The following KIF21A variants were observed in gnomAD, a reference collection of about 807,000 sequenced individuals.
The protein encoded by KIF21A is kinesin family member 21A.
Under a neutral mutation model 202.9 loss-of-function variants are expected in KIF21A, and 114 were observed. That is an observed-to-expected ratio of 0.56 (90% CI 0.48 to 0.66). KIF21A has a LOEUF of 0.66. Ranked by LOEUF, KIF21A falls within the 30% of genes least tolerant of loss-of-function variation. The probability of loss-of-function intolerance (pLI) is 0.00; values close to 1 mark genes in which losing one functional copy is unlikely to be tolerated. For missense variants in KIF21A, 1,677 were observed against 1,994.9 expected, an observed-to-expected ratio of 0.84 and a Z score of 3.04; for synonymous variants, 667 against 670.8, an observed-to-expected ratio of 0.99 and a Z score of 0.09.
chr12:39,319,550 A>C (rs923448492), intron 28 of KIF21A, among the ~76,000 whole-genome samples: 5 of 152,216 alleles, frequency 3.3e-5, no homozygotes, highest in Non-Finnish European at 7.3e-5. Flanking sequence ...CATGGCAATG[A>C]CGGTCAAAAT....
intron 27 of KIF21A, chr12:39,321,849 G>T (rs1369493995): frequency 6.6e-6 from 1 of 152,042 alleles, no homozygotes; most frequent in East Asian, 1.9e-4. Flanking sequence ...GGATTAGTTT[G>T]AAAAATAACG....
At position 39,363,153 on chromosome 12, in the gene KIF21A, G is replaced by C. The variant is rs1429561167; in HGVS notation, c.964C>G (p.Pro322Ala). The C allele has an allele frequency of 1.2e-6, 2 of 1,613,276 alleles. No individual in the cohort carries two copies. The highest frequency in any genetic ancestry group is 1.7e-6 in the Non-Finnish European group (2 of 1,179,492). ...GDKSKRATHVPYRDSKLTRLL... is the reference protein window; with the variant it reads ...GDKSKRATHVAYRDSKLTRLL... ...CTTGTTAGCTTGGAATCTCTATAGG[G>C]GACATGTGTGGCCCTCTTGCTCTTG... is the stretch of plus-strand genomic sequence containing the variant. Residue 322 changes from proline (P) to alanine (A), a missense_variant, in exon 7 of 38, where the codon CCC becomes GCC. Physicochemically the swap from Pro to Ala is conservative, Grantham distance 27 (BLOSUM62 -1). This residue lies in a region of KIF21A where 966 missense variants were observed against 1,180.9 expected (regional missense o/e 0.82). Transcript: ENST00000361418.
chr12:39,339,832 T>A (rs1274722595), intron 16 of KIF21A, among the ~76,000 whole-genome samples: 1 of 152,372 alleles, frequency 6.6e-6, no homozygotes, highest in Admixed American at 6.5e-5. Flanking sequence ...TAAACTAGAC[T>A]GTGGATACAG....
chr12:39,304,979 C>A (rs1243002794), intron 34 of KIF21A, 41 bp from the exon 35 acceptor site: 1 of 975,120 alleles, frequency 1.0e-6, no homozygotes, highest in South Asian at 1.3e-5. Flanking sequence ...AAAATTATTT[C>A]TTAGTATGAT....
chr12:39,384,839 A>G (rs2094571972), intron 1 of KIF21A, among the ~76,000 whole-genome samples: 1 of 152,166 alleles, frequency 6.6e-6, no homozygotes, highest in Admixed American at 6.5e-5. Flanking sequence ...AGTTGTTGGA[A>G]GAATTCAGTT....
intron 4 of KIF21A, 138 bp from the exon 5 acceptor site, chr12:39,367,302 A>C: frequency 1.1e-6 from 1 of 878,930 alleles, no homozygotes; most frequent in Non-Finnish European, 1.8e-6. Context: ...TAGTTCAGTT[A>C]CAGGCACTTT....
Position 39,442,835 on chromosome 12 carries a change from C to T in KIF21A, c.44+92G>A. ...GGCCGGGACGCCCCTCAGGTCGCTCCACCCCGGTAGCCGGTGCTCCGCGCC... is the reference window on the plus strand; with the variant it reads ...GGCCGGGACGCCCCTCAGGTCGCTCTACCCCGGTAGCCGGTGCTCCGCGCC... On this transcript the variant is annotated intron_variant, in intron 1 of 37. Transcript: ENST00000361418. This position sits in a 1 kb window ranked among gnomAD's most constrained non-coding sequence, Gnocchi z 5.0. 1 of 1,460,678 alleles carries T rather than the reference C, an allele frequency of 6.8e-7. No homozygotes were observed. Among genetic ancestry groups the T allele is most frequent in the Non-Finnish European group, 9.2e-7 (1 of 1,089,610 alleles). The allele number at this position is 1,460,678 out of a possible 1,614,324, so 90.5% of individuals were successfully genotyped here. A position where few individuals can be genotyped will look rare whatever the true frequency, so the allele number is the denominator to read the frequency against.
intron 36 of KIF21A, among the ~76,000 whole-genome samples, chr12:39,302,152 T>G (rs1439821252): frequency 6.6e-6 from 1 of 152,176 alleles, no homozygotes; most frequent in African/African-American, 2.4e-5. Flanking sequence ...TATTTCATGA[T>G]GAGTAAACAG....
At chr12:39,390,126 C>T (rs1951240247) in intron 1 of KIF21A, among the ~76,000 whole-genome samples, 1 of 152,136 alleles carries the variant, frequency 6.6e-6, no homozygotes, top group Admixed American at 6.6e-5. Flanking sequence ...TAGCACTATG[C>T]TTCCCATCTG....
Position 39,340,897 on chromosome 12 carries a change from A to G in KIF21A, c.2110+9T>C. The G allele has an allele frequency of 6.3e-7, 1 of 1,583,410 alleles. No individual in the cohort carries two copies. Among genetic ancestry groups the G allele is most frequent in the Non-Finnish European group, 8.7e-7 (1 of 1,153,068 alleles). On this transcript the variant is annotated intron_variant, in intron 15 of 37. Coordinates refer to ENST00000361418, the MANE Select transcript of KIF21A (RefSeq NM_001173464.2). ...TTGAACTTTCATTTGAATTAAATAT[A>G]ATTCTTACCTAAGTTTTGAAGCACC...
Position 39,319,824 on chromosome 12 carries a change from A to G in KIF21A, c.3779+82T>C, listed in dbSNP as rs1945008037. 6.6e-6 allele frequency: 6 copies of G among 903,366 alleles called. No individual in the cohort carries two copies. The South Asian group carries it at 8.5e-5, about 13-fold the overall frequency. The allele number at this position is 903,366 out of a possible 1,614,324, so 56.0% of individuals were successfully genotyped here. A position where few individuals can be genotyped will look rare whatever the true frequency, so the allele number is the denominator to read the frequency against. ...CCACAGCACCAGCCTAAATCTGGAA[A>G]ATAATTTCATGATTATCTTTAGCAT... On this transcript the variant is annotated intron_variant, in intron 28 of 37. Coordinates refer to ENST00000361418, the MANE Select transcript of KIF21A (RefSeq NM_001173464.2).
At position 39,331,178 on chromosome 12, in the gene KIF21A, C is replaced by T. The variant is rs1223837771; in HGVS notation, c.3154-267G>A. 4.6e-5 allele frequency among the ~76,000 whole-genome samples: 7 copies of T among 150,958 alleles called. No homozygotes were observed. The East Asian group carries it at 1.4e-3, about 29-fold the overall frequency. ...ACATTGTGAAAATTAAGTGAGATGG[C>T]ATAAGAACAGAAAGAATCTAACAGT... On this transcript the variant is annotated intron_variant, in intron 22 of 37. Transcript: ENST00000361418.
chr12:39,393,199 C>T (rs941007642), intron 1 of KIF21A, among the ~76,000 whole-genome samples: 6 of 151,846 alleles, frequency 4.0e-5, no homozygotes, highest in African/African-American at 1.5e-4. Flanking sequence ...CTGTGCAAGA[C>T]CTGCAGCAGT....
At chr12:39,367,248 C>T (rs1034335666) in intron 4 of KIF21A, 84 bp from the exon 5 acceptor site, 2 of 1,420,154 alleles carry the variant, frequency 1.4e-6, no homozygotes, top group Admixed American at 3.4e-5. Flanking sequence ...ATGGCTAAAA[C>T]CCACCATGTT....
chr12:39,363,691 G>A (rs1027875038), intron 6 of KIF21A, among the ~76,000 whole-genome samples: 1 of 152,168 alleles, frequency 6.6e-6, no homozygotes, highest in Non-Finnish European at 1.5e-5. Context: ...TCTGAACAAG[G>A]TATTCCTATG....
intron 37 of KIF21A, among the ~76,000 whole-genome samples, chr12:39,296,588 T>G (rs1009485731): frequency 6.6e-6 from 1 of 152,042 alleles, no homozygotes; most frequent in Admixed American, 6.5e-5. Flanking sequence ...AGATTACAAT[T>G]TTAAATAAAA....
chr12:39,387,538 A>T (rs1951031682), intron 1 of KIF21A, among the ~76,000 whole-genome samples: 1 of 152,180 alleles, frequency 6.6e-6, no homozygotes, highest in African/African-American at 2.4e-5. Flanking sequence ...AAGGACAAGT[A>T]ACTGCTAGGT....
chr12:39,349,840 C>G (rs1242236367), intron 11 of KIF21A, among the ~76,000 whole-genome samples: 5 of 151,886 alleles, frequency 3.3e-5, no homozygotes, highest in African/African-American at 1.2e-4. Flanking sequence ...TAAATTGGCT[C>G]TAAAAATGTT....
chr12:39,377,620 A>G (rs1950348364), intron 1 of KIF21A, among the ~76,000 whole-genome samples: 1 of 152,184 alleles, frequency 6.6e-6, no homozygotes, highest in Non-Finnish European at 1.5e-5. Flanking sequence ...AAGCCCATAA[A>G]AAGAAATTCC....
Sources: gnomAD v4.1 joint callset for allele counts (sites outside exome capture counted in the v4.1 genomes callset) on GRCh38, gnomAD v4.1.1 for gene constraint, gnomAD v4.1.1 regional missense constraint, Gnocchi (gnomAD v3.1) non-coding constraint, MANE v1.5 for transcripts, NCBI Gene and HGNC (gene_info 2026-07-23, HGNC 2026-07-21) for gene names.